Variants in KSR2 observed in about 807,000 individuals in gnomAD.
The protein encoded by KSR2 is kinase suppressor of ras 2.
KSR2 carries 25 observed loss-of-function variants against 107.8 expected under a neutral mutation model. The observed-to-expected ratio is 0.23, with a 90% CI of 0.17 to 0.32. The LOEUF (loss-of-function observed/expected upper bound fraction) is 0.32, where lower values mean the gene tolerates loss of function less well. KSR2 is among the 10% of genes least tolerant of loss of function. The pLI, the probability that KSR2 is intolerant of heterozygous loss-of-function variation, is 1.00. For missense variants in KSR2, 887 were observed against 1,268.9 expected, an observed-to-expected ratio of 0.70 and a Z score of 4.57; for synonymous variants, 480 against 507.0, an observed-to-expected ratio of 0.95 and a Z score of 0.71.
At chr12:117,577,788 T>A (rs534508441) in intron 7 of KSR2, among the ~76,000 whole-genome samples, 47 of 152,188 alleles carry the variant, frequency 3.1e-4, no homozygotes, top group South Asian at 1.7e-3. Flanking sequence ...TCCCACCAAG[T>A]CCCTCCCATA....
chr12:117,949,084 G>A (rs1896283012), intron 1 of KSR2, among the ~76,000 whole-genome samples: 2 of 151,986 alleles, frequency 1.3e-5, no homozygotes, highest in African/African-American at 4.8e-5. Flanking sequence ...ACAAGAGTGA[G>A]ACTCTGTCTC....
intron 10 of KSR2, among the ~76,000 whole-genome samples, chr12:117,533,145 A>C (rs1209103456): frequency 6.6e-6 from 1 of 152,244 alleles, no homozygotes; most frequent in Non-Finnish European, 1.5e-5. Flanking sequence ...TGTGAGATAA[A>C]TAAACACATT....
At chr12:117,624,339 A>G (rs891122039) in intron 5 of KSR2, among the ~76,000 whole-genome samples, 1 of 152,198 alleles carries the variant, frequency 6.6e-6, no homozygotes, top group Non-Finnish European at 1.5e-5. Flanking sequence ...GTTTTCTTCT[A>G]GGGTTTTTAT....
chr12:117,956,744 TAGTGA>T (rs1896530575), intron 1 of KSR2, among the ~76,000 whole-genome samples: 1 of 152,168 alleles, frequency 6.6e-6, no homozygotes, highest in South Asian at 2.1e-4. Flanking sequence ...CTGGGCAACA[TAGTGA>T]GACCCTCATC....
intron 9 of KSR2, among the ~76,000 whole-genome samples, chr12:117,553,286 A>G (rs995502030): frequency 6.6e-6 from 1 of 152,194 alleles, no homozygotes; most frequent in Non-Finnish European, 1.5e-5. Flanking sequence ...GGGACACACA[A>G]GCTTTGTGGG....
intron 4 of KSR2, among the ~76,000 whole-genome samples, chr12:117,704,456 C>T (rs10850888): frequency 0.15 from 23,486 of 152,116 alleles, 1,954 homozygotes; most frequent in East Asian, 0.27. Context: ...GAAGGGATCC[C>T]CCAAAACCCT....
Position 117,808,747 on chromosome 12 carries a change from A to C in KSR2, c.472+46681T>G, listed in dbSNP as rs796368522. Reference sequence around the variant, plus strand: ...CTGGTGAATTCGTTGCCATCCTTCCAATGAAACCTGCTCATTCCCACTCTG... The same window carrying C: ...CTGGTGAATTCGTTGCCATCCTTCCCATGAAACCTGCTCATTCCCACTCTG... On this transcript the variant is annotated intron_variant, in intron 3 of 19. Coordinates refer to ENST00000339824, the MANE Select transcript of KSR2 (RefSeq NM_173598.6). Among the ~76,000 whole-genome samples the C allele has an allele frequency of 7.7e-3, 1,178 of 152,272 alleles. 79 individuals carry two copies. The East Asian group carries it at 0.18, about 23-fold the overall frequency.
intron 3 of KSR2, among the ~76,000 whole-genome samples, chr12:117,769,660 A>G (rs1889365692): frequency 6.6e-6 from 1 of 152,236 alleles, no homozygotes; most frequent in South Asian, 2.1e-4. Flanking sequence ...TTCATGTACA[A>G]AGAGTGTAAA....
At chr12:117,768,978 G>A (rs935477611) in intron 3 of KSR2, among the ~76,000 whole-genome samples, 2 of 152,162 alleles carry the variant, frequency 1.3e-5, no homozygotes, top group African/African-American at 2.4e-5. Context: ...GGGTCACACA[G>A]TGGCCGGTGG....
At chr12:117,731,232 CA>C (rs1456097795) in intron 4 of KSR2, among the ~76,000 whole-genome samples, 4 of 148,454 alleles carry the variant, frequency 2.7e-5, no homozygotes, top group Admixed American at 6.7e-5. Flanking sequence ...TGTCTCTGCC[CA>C]GCCGCCCCGT....
At chr12:117,577,431 G>A (rs909862655) in intron 7 of KSR2, among the ~76,000 whole-genome samples, 3 of 152,168 alleles carry the variant, frequency 2.0e-5, no homozygotes, top group African/African-American at 7.2e-5. Context: ...TGGACTGAGC[G>A]AGGCACTGTG....
At chr12:117,526,730 G>A (rs1875194217) in intron 13 of KSR2, among the ~76,000 whole-genome samples, 1 of 152,148 alleles carries the variant, frequency 6.6e-6, no homozygotes, top group Non-Finnish European at 1.5e-5. Flanking sequence ...GCATCCCTGA[G>A]GCCCCCACCT....
At chr12:117,595,096 A>T (rs1306294682) in intron 5 of KSR2, among the ~76,000 whole-genome samples, 1 of 152,166 alleles carries the variant, frequency 6.6e-6, no homozygotes, top group African/African-American at 2.4e-5. Context: ...CTCCCAGCCC[A>T]TCCAGGGGAC....
At chr12:117,611,452 A>ACACACACACACACACACACG (rs1321809408) in intron 5 of KSR2, among the ~76,000 whole-genome samples, 10 of 152,130 alleles carry the variant, frequency 6.6e-5, no homozygotes, top group African/African-American at 2.4e-4. Context: ...ACAGACACAC[A>ACACACACACACACACACACG]CACACACACA....
rs375666816 is a variant in KSR2, at chr12:117,772,275, G to A, written c.473-10751C>T. Among the ~76,000 whole-genome samples the A allele has an allele frequency of 2.1e-3, 138 of 66,428 alleles. 2 individuals are homozygous for A. Among genetic ancestry groups the A allele is most frequent in the African/African-American group, 8.7e-3 (134 of 15,364 alleles). The allele number at this position is 66,428 out of a possible 152,430, so 43.6% of individuals were successfully genotyped here. A position where few individuals can be genotyped will look rare whatever the true frequency, so the allele number is the denominator to read the frequency against. On this transcript the variant is annotated intron_variant, in intron 3 of 19. Coordinates refer to ENST00000339824, the MANE Select transcript of KSR2 (RefSeq NM_173598.6). ...ACATACACACCATTCCCCCAAAGAC[G>A]CACACACACTCACACATACACACCA...
intron 19 of KSR2, among the ~76,000 whole-genome samples, chr12:117,468,196 C>T (rs1273188174): frequency 6.6e-6 from 1 of 152,232 alleles, no homozygotes; most frequent in Non-Finnish European, 1.5e-5. Flanking sequence ...TGGCAGATGA[C>T]AGCAGCTGAG....
At chr12:117,852,193 C>A (rs1249443247) in intron 3 of KSR2, among the ~76,000 whole-genome samples, 1 of 151,802 alleles carries the variant, frequency 6.6e-6, no homozygotes, top group East Asian at 1.9e-4. Flanking sequence ...GAGGCCAAGG[C>A]AGGCGGATTG....
At chr12:117,900,477 G>A (rs1894649087) in intron 1 of KSR2, among the ~76,000 whole-genome samples, 1 of 152,106 alleles carries the variant, frequency 6.6e-6, no homozygotes, top group Admixed American at 6.5e-5. Context: ...AATAAAACAG[G>A]AAAACAGACA....
At chr12:117,875,054 G>A (rs1171284986) in intron 1 of KSR2, among the ~76,000 whole-genome samples, 1 of 152,130 alleles carries the variant, frequency 6.6e-6, no homozygotes, top group Non-Finnish European at 1.5e-5. Flanking sequence ...ACGACAGATG[G>A]AAAATTTTCC....
Sources: gnomAD v4.1 joint callset for allele counts (sites outside exome capture counted in the v4.1 genomes callset) on GRCh38, gnomAD v4.1.1 for gene constraint, MANE v1.5 for transcripts, NCBI Gene and HGNC (gene_info 2026-07-23, HGNC 2026-07-21) for gene names.